The following PML variants were observed in gnomAD, a reference collection of about 807,000 sequenced individuals.
PML encodes protein PML.
A neutral mutation model predicts 65.2 loss-of-function variants in PML; 28 were observed. The observed-to-expected ratio is 0.43, with a 90% CI of 0.32 to 0.59. PML has a LOEUF of 0.59. Among genes scored for constraint, PML ranks in the 20% least tolerant of loss-of-function variants. The pLI, the probability that PML is intolerant of heterozygous loss-of-function variation, is 0.08. For missense variants in PML, 1,021 were observed against 1,203.4 expected (o/e 0.85, Z 2.24); for synonymous variants, 500 against 508.8 (o/e 0.98, Z 0.23).
chr15:74,041,850 T>A (rs1039031051), intron 7 of PML, among the ~76,000 whole-genome samples: 3 of 152,130 alleles, frequency 2.0e-5, no homozygotes, highest in Admixed American at 2.0e-4. Context: ...GACACCAACT[T>A]CATTGAGAAG....
intron 4 of PML, among the ~76,000 whole-genome samples, chr15:74,031,971 G>A (rs2071341472): frequency 6.6e-6 from 1 of 152,228 alleles, no homozygotes; most frequent in Non-Finnish European, 1.5e-5. Context: ...TCCAACTTGT[G>A]TAGTAGCTGA....
Position 73,994,914 on chromosome 15 carries a change from G to GGCCAGC in PML, c.102_103insGCCAGC (p.Gln34_Pro35insAlaSer). ...CCGAGACCCCCTCTGAAGGCCGCCA[G>GGCCAGC]CCCAGCCCCAGCCCCAGCCCTACAG... On this transcript the variant is annotated inframe_insertion, in exon 1 of 9. Transcript: ENST00000268058. 6.5e-7 allele frequency: 1 copy of GGCCAGC among 1,538,482 alleles called. No individual in the cohort carries two copies. The highest frequency in any genetic ancestry group is 2.5e-5 in the East Asian group (1 of 40,588).
chr15:74,006,787 T>A (rs938831647), intron 2 of PML, among the ~76,000 whole-genome samples: 1 of 152,046 alleles, frequency 6.6e-6, no homozygotes, highest in African/African-American at 2.4e-5. Flanking sequence ...GTTTTACTCA[T>A]GGCGGAAGGT....
chr15:74,037,722 C>T lies in PML; in HGVS notation c.1710+3192C>T. ...GGAAAGATCGCCTGCTCGGATGCAG[C>T]TCTGGGCACTCCTCCCTCTCCTCTG... On this transcript the variant is annotated intron_variant, in intron 7 of 8. Coordinates refer to ENST00000268058, the MANE Select transcript of PML (RefSeq NM_033238.3). This position sits in a 1 kb window ranked among gnomAD's most constrained non-coding sequence, Gnocchi z 4.2. 4.1e-6 allele frequency: 4 copies of T among 985,136 alleles called. No homozygotes were observed. The highest frequency in any genetic ancestry group is 4.8e-6 in the Non-Finnish European group (4 of 829,724). 61.0% of individuals were successfully genotyped at this position (985,136 alleles called of 1,614,324 possible).
Position 74,043,357 on chromosome 15 carries a change from G to A in PML, c.1861+218G>A, listed in dbSNP as rs1445269919. The A allele has an allele frequency of 1.0e-5, 15 of 1,442,528 alleles. No homozygotes were observed. The highest frequency in any genetic ancestry group is 5.6e-5 in the Admixed American group (2 of 35,998). The allele number at this position is 1,442,528 out of a possible 1,614,324, so 89.4% of individuals were successfully genotyped here. On this transcript the variant is annotated intron_variant, in intron 8 of 8. Transcript: ENST00000268058. The surrounding 1 kb of genome is among the most constrained non-coding windows in gnomAD (Gnocchi z 4.3). ...CGCCTTATCCAGTGCCTGAGTGTGC[G>A]AGAGAGGCAGATGCCTCCACAAGTG...
Position 74,043,665 on chromosome 15 carries a change from C to A in PML, c.1861+526C>A. 1 of 527,242 alleles carries A rather than the reference C, an allele frequency of 1.9e-6. No homozygotes were observed. Among genetic ancestry groups the A allele is most frequent in the Non-Finnish European group, 3.8e-6 (1 of 266,324 alleles). The allele number at this position is 527,242 out of a possible 1,614,324, so 32.7% of individuals were successfully genotyped here. On this transcript the variant is annotated intron_variant, in intron 8 of 8. Transcript: ENST00000268058. This position sits in a 1 kb window ranked among gnomAD's most constrained non-coding sequence, Gnocchi z 4.3. The stretch of plus-strand genomic sequence containing the variant: ...CCCCTCCTTGAGCCAGAGCCCCAGG[C>A]CCTACCCTGTGGCATGGACTCAACA...
At chr15:74,022,596 T>C (rs1161869631) in intron 2 of PML, among the ~76,000 whole-genome samples, 1 of 152,232 alleles carries the variant, frequency 6.6e-6, no homozygotes, top group Non-Finnish European at 1.5e-5. Context: ...TATATCTTTG[T>C]ATTGTTTCCC....
At position 74,023,037 on chromosome 15, in the gene PML, C is replaced by T. The variant is rs369316804; in HGVS notation, c.812C>T (p.Ala271Val). Reference protein sequence around the residue: ...MHAAVGQLGRARAETEELIRE... With the variant: ...MHAAVGQLGRVRAETEELIRE... The stretch of plus-strand genomic sequence containing the variant: ...GCGGCCGTCGGCCAGCTGGGCCGCG[C>T]GCGTGCCGAGACCGAGGAGCTGATC... Residue 271 changes from alanine to valine, a missense_variant, in exon 3 of 9, where the codon GCG (alanine) becomes GTG (valine). Coordinates refer to ENST00000268058, the MANE Select transcript of PML (RefSeq NM_033238.3). 16 of 1,604,856 alleles carry T rather than the reference C, an allele frequency of 1.0e-5. No individual in the cohort carries two copies. Among genetic ancestry groups the T allele is most frequent in the African/African-American group, 1.3e-5 (1 of 74,852 alleles).
intron 4 of PML, chr15:74,025,808 C>T (rs542459768): frequency 6.6e-6 from 1 of 152,496 alleles, no homozygotes; most frequent in South Asian, 2.1e-4. Context: ...CTGGACTTGG[C>T]ATCTGGTCTC....
intron 2 of PML, among the ~76,000 whole-genome samples, chr15:74,014,343 T>G (rs775965693): frequency 6.6e-5 from 10 of 151,228 alleles, no homozygotes; most frequent in South Asian, 2.1e-4. Flanking sequence ...TTTGGGGGGG[T>G]TTTTTTGAGA....
At chr15:74,025,215 T>C in intron 4 of PML, 2 of 473,700 alleles carry the variant, frequency 4.2e-6, no homozygotes. Flanking sequence ...AGATCAGGGC[T>C]GCTGCAGAGG....
At chr15:74,020,177 A>T (rs541011425) in intron 2 of PML, among the ~76,000 whole-genome samples, 2 of 151,904 alleles carry the variant, frequency 1.3e-5, no homozygotes, top group Admixed American at 6.6e-5. Context: ...AGCACTATGT[A>T]TCAGTCTGGC....
At chr15:74,025,171 G>C in intron 4 of PML, 1 of 541,458 alleles carries the variant, frequency 1.8e-6, no homozygotes, top group South Asian at 2.0e-5. Context: ...GCCAGGTTCA[G>C]TGGGGGTTAG....
chr15:74,033,684 G>T, intron 6 of PML: 1 of 646,664 alleles, frequency 1.5e-6, no homozygotes, highest in East Asian at 2.7e-5. Context: ...CTGTGCCTTT[G>T]CACAGGGCAG....
Position 74,037,716 on chromosome 15 carries a change from A to ATGCAGCTCTGGGCACTCCTCCCTCTCCTC in PML, c.1710+3192_1710+3220dup. On this transcript the variant is annotated intron_variant, in intron 7 of 8. Coordinates refer to ENST00000268058, the MANE Select transcript of PML (RefSeq NM_033238.3). The surrounding 1 kb of genome is among the most constrained non-coding windows in gnomAD (Gnocchi z 4.2). ...TTTCCTGGAAAGATCGCCTGCTCGG[A>ATGCAGCTCTGGGCACTCCTCCCTCTCCTC]TGCAGCTCTGGGCACTCCTCCCTCT... The ATGCAGCTCTGGGCACTCCTCCCTCTCCTC allele has an allele frequency of 1.0e-6, 1 of 985,208 alleles. No individual in the cohort carries two copies. Among genetic ancestry groups the ATGCAGCTCTGGGCACTCCTCCCTCTCCTC allele is most frequent in the Non-Finnish European group, 1.2e-6 (1 of 829,870 alleles). The allele number at this position is 985,208 out of a possible 1,614,324, so 61.0% of individuals were successfully genotyped here. A position where few individuals can be genotyped will look rare whatever the true frequency, so the allele number is the denominator to read the frequency against.
chr15:74,034,525 A>T lies in PML; in HGVS notation c.1705A>T (p.Asn569Tyr), dbSNP rs767645907. The T allele has an allele frequency of 2.7e-5, 43 of 1,614,058 alleles. No homozygotes were observed. Among genetic ancestry groups the T allele is most frequent in the Non-Finnish European group, 3.4e-5 (40 of 1,180,040 alleles). ...CAGCTCGGAAGACTCAGATGCCGAA[A>T]ACTCGGTGAGTGGCCCAGAAGTTCA... Reference protein sequence around the residue: ...ISSSEDSDAENSSSRELDDSS... With the variant: ...ISSSEDSDAEYSSSRELDDSS... Residue 569 changes from asparagine to tyrosine, a missense_variant, in exon 7 of 9, where the codon AAC becomes TAC. Physicochemically the swap from Asn to Tyr is moderately radical, Grantham distance 143. Transcript: ENST00000268058.
chr15:74,010,483 C>A (rs2070280596), intron 2 of PML, among the ~76,000 whole-genome samples: 1 of 148,410 alleles, frequency 6.7e-6, no homozygotes, highest in African/African-American at 2.5e-5. Context: ...TGCCATTGCA[C>A]TCCAGCCTGG....
At chr15:74,036,373 A>C in intron 7 of PML, 1 of 1,384,226 alleles carries the variant, frequency 7.2e-7, no homozygotes, top group Non-Finnish European at 9.4e-7. Context: ...TGGCTGCTCA[A>C]TAAACACTTG....
intron 2 of PML, among the ~76,000 whole-genome samples, chr15:74,003,243 C>T (rs562336204): frequency 5.0e-4 from 76 of 152,210 alleles, no homozygotes; most frequent in African/African-American, 1.8e-3. Context: ...ACCAGCCTCA[C>T]CAACATGGTG....
Sources: allele counts gnomAD v4.1 joint callset (sites outside exome capture counted in the v4.1 genomes callset), GRCh38; gene constraint gnomAD v4.1.1; non-coding constraint Gnocchi (gnomAD v3.1); transcripts MANE v1.5; gene names NCBI Gene and HGNC (gene_info 2026-07-23, HGNC 2026-07-21).